The following PCDH7 variants were observed in gnomAD, a reference collection of about 807,000 sequenced individuals.
The protein encoded by PCDH7 is protocadherin 7.
A neutral mutation model predicts 58.9 loss-of-function variants in PCDH7; 17 were observed. The observed-to-expected ratio is 0.29, with a 90% CI of 0.20 to 0.43. The LOEUF is 0.43. Among genes scored for constraint, PCDH7 ranks in the 20% least tolerant of loss-of-function variants. The probability of loss-of-function intolerance (pLI) is 1.00; values close to 1 mark genes in which losing one functional copy is unlikely to be tolerated. For missense variants in PCDH7, 1,274 were observed against 1,441.0 expected (o/e 0.88, Z 1.88); for synonymous variants, 664 against 616.4 (o/e 1.08, Z -1.14).
At chr4:30,873,088 G>A (rs1221331189) in intron 1 of PCDH7, among the ~76,000 whole-genome samples, 2 of 152,034 alleles carry the variant, frequency 1.3e-5, no homozygotes, top group Non-Finnish European at 2.9e-5. Context: ...AGGCCTGAGT[G>A]TTCTTTTTGT....
At chr4:30,912,999 A>T (rs971067736) in intron 1 of PCDH7, among the ~76,000 whole-genome samples, 1 of 151,388 alleles carries the variant, frequency 6.6e-6, no homozygotes, top group South Asian at 2.1e-4. Context: ...GGATAAAAAT[A>T]AAGTTTTTAA....
intron 3 of PCDH7, among the ~76,000 whole-genome samples, chr4:30,963,649 A>G (rs926275076): frequency 4.6e-5 from 7 of 152,144 alleles, no homozygotes; most frequent in Non-Finnish European, 7.3e-5. Flanking sequence ...CATAGCTCAT[A>G]GAGAGTAAGA....
intron 3 of PCDH7, among the ~76,000 whole-genome samples, chr4:31,116,083 C>T (rs1297982102): frequency 1.3e-5 from 2 of 152,130 alleles, no homozygotes; most frequent in Non-Finnish European, 2.9e-5. Flanking sequence ...AAGACTCCAC[C>T]TGGTCAAGGG....
At chr4:31,106,126 C>G (rs1244155057) in intron 3 of PCDH7, among the ~76,000 whole-genome samples, 2 of 151,646 alleles carry the variant, frequency 1.3e-5, no homozygotes, top group Non-Finnish European at 2.9e-5. Flanking sequence ...TAAAATAAGA[C>G]AAAACAAAAA....
chr4:30,817,885 C>T (rs1727897504), intron 1 of PCDH7, among the ~76,000 whole-genome samples: 1 of 152,150 alleles, frequency 6.6e-6, no homozygotes, highest in Non-Finnish European at 1.5e-5. Flanking sequence ...CAAATTACTC[C>T]TCTGCTTAGA....
At chr4:31,116,948 G>A (rs951658850) in intron 3 of PCDH7, among the ~76,000 whole-genome samples, 5 of 152,088 alleles carry the variant, frequency 3.3e-5, no homozygotes, top group African/African-American at 9.7e-5. Flanking sequence ...TGATTCTCCC[G>A]CCTCAGACTC....
chr4:31,048,087 A>G (rs1341667914), intron 3 of PCDH7, among the ~76,000 whole-genome samples: 1 of 152,066 alleles, frequency 6.6e-6, no homozygotes, highest in East Asian at 1.9e-4. Flanking sequence ...GAAGAAAGGG[A>G]CTTTTTCTTC....
intron 3 of PCDH7, among the ~76,000 whole-genome samples, chr4:30,990,860 TAA>T (rs1375023783): frequency 5.3e-5 from 8 of 152,178 alleles, no homozygotes; most frequent in Non-Finnish European, 1.0e-4. Flanking sequence ...AACTTTTTTA[TAA>T]GTTATTTATG....
intron 1 of PCDH7, among the ~76,000 whole-genome samples, chr4:30,740,546 C>T (rs1475418603): frequency 6.6e-6 from 1 of 151,692 alleles, no homozygotes; most frequent in East Asian, 1.9e-4. Context: ...AAAATAATTT[C>T]ATTATTTTTG....
At chr4:31,030,234 T>G (rs374360391) in intron 3 of PCDH7, among the ~76,000 whole-genome samples, 64 of 152,284 alleles carry the variant, frequency 4.2e-4, no homozygotes, top group Middle Eastern at 3.4e-3. Context: ...CTATAAGACC[T>G]ACCCTTGCTG....
At position 30,932,094 on chromosome 4, in the gene PCDH7, G is replaced by A. The variant is rs1293477073; in HGVS notation, c.287+11725G>A. On this transcript the variant is annotated intron_variant, in intron 2 of 3. Coordinates refer to the PCDH7 transcript ENST00000509759. Reference sequence around the variant, plus strand: ...TGGTCATCATACAAAATTATTTTGTGATTTTAAGATTCTTGACATTGTAAC... The same window carrying A: ...TGGTCATCATACAAAATTATTTTGTAATTTTAAGATTCTTGACATTGTAAC... 2.6e-5 allele frequency among the ~76,000 whole-genome samples: 4 copies of A among 152,030 alleles called. No individual in the cohort carries two copies. In the East Asian group the frequency reaches 7.7e-4, roughly 29 times the overall value.
chr4:31,143,833 G>A (rs535975699), downstream of PCDH7: 5 of 152,110 alleles, frequency 3.3e-5, no homozygotes, highest in African/African-American at 4.8e-5. Context: ...CCAGGAAAAT[G>A]TTCCTTCTTT....
Position 30,721,282 on chromosome 4 carries a change from C to G in PCDH7, c.-141C>G. On this transcript the variant is annotated 5_prime_UTR_variant, in exon 1 of 2. Coordinates refer to ENST00000361762, the Ensembl canonical transcript of PCDH7. This position sits in a 1 kb window ranked among gnomAD's most constrained non-coding sequence, Gnocchi z 6.7. ...GGCCAACTCTCCACGCCGCTTTTGC[C>G]CCCTCCCTCCCCTCCCTCTCGCTCC... The G allele has an allele frequency of 2.4e-6, 2 of 832,030 alleles. No homozygotes were observed. Among genetic ancestry groups the G allele is most frequent in the Non-Finnish European group, 3.5e-6 (2 of 564,650 alleles). The allele number at this position is 832,030 out of a possible 1,614,324, so 51.5% of individuals were successfully genotyped here. A position where few individuals can be genotyped will look rare whatever the true frequency, so the allele number is the denominator to read the frequency against.
intron 3 of PCDH7, among the ~76,000 whole-genome samples, chr4:31,029,285 T>C (rs1754703379): frequency 6.6e-6 from 1 of 152,204 alleles, no homozygotes; most frequent in Admixed American, 6.5e-5. Flanking sequence ...TTTCACCTAA[T>C]GTACTTTTAA....
At chr4:31,055,521 G>A (rs1205149653) in intron 3 of PCDH7, among the ~76,000 whole-genome samples, 1 of 152,036 alleles carries the variant, frequency 6.6e-6, no homozygotes, top group African/African-American at 2.4e-5. Flanking sequence ...TAAACATCTA[G>A]CAACATACTA....
intron 2 of PCDH7, among the ~76,000 whole-genome samples, chr4:30,923,750 T>C (rs967010196): frequency 6.6e-6 from 1 of 152,188 alleles, no homozygotes; most frequent in African/African-American, 2.4e-5. Context: ...ATTACTAATA[T>C]ATATTTCTTT....
At chr4:31,004,305 A>T (rs1194231897) in intron 3 of PCDH7, among the ~76,000 whole-genome samples, 1 of 152,216 alleles carries the variant, frequency 6.6e-6, no homozygotes, top group Non-Finnish European at 1.5e-5. Flanking sequence ...AAGTCACAGG[A>T]AGAAGCCATA....
chr4:30,921,324 T>C (rs532672663), intron 2 of PCDH7, among the ~76,000 whole-genome samples: 84 of 152,248 alleles, frequency 5.5e-4, no homozygotes, highest in African/African-American at 2.0e-3. Context: ...ATTTATGTCT[T>C]TTGCCATCTC....
chr4:30,828,468 G>A (rs1396814215), intron 1 of PCDH7, among the ~76,000 whole-genome samples: 1 of 151,764 alleles, frequency 6.6e-6, no homozygotes, highest in African/African-American at 2.4e-5. Context: ...TTAAAACAAT[G>A]TCAGTTACCT....
Sources: gnomAD v4.1 joint callset for allele counts (sites outside exome capture counted in the v4.1 genomes callset) on GRCh38, gnomAD v4.1.1 for gene constraint, Gnocchi (gnomAD v3.1) non-coding constraint, MANE v1.5 for transcripts, NCBI Gene and HGNC (gene_info 2026-07-23, HGNC 2026-07-21) for gene names.